The following NRXN3 variants were observed in gnomAD, a reference collection of about 807,000 sequenced individuals.
NRXN3 encodes neurexin 3.
In NRXN3, 32 loss-of-function variants were observed where a neutral mutation model predicts 137.6. The ratio of observed to expected loss-of-function variants is 0.23; its 90% CI spans 0.18 to 0.31. The LOEUF (loss-of-function observed/expected upper bound fraction) is 0.31, where lower values mean the gene tolerates loss of function less well. Ranked by LOEUF, NRXN3 falls within the 10% of genes least tolerant of loss-of-function variation. The pLI, the probability that NRXN3 is intolerant of heterozygous loss-of-function variation, is 1.00. For synonymous variants in NRXN3, 798 were observed against 784.5 expected (o/e 1.02, Z -0.29); for missense variants, 1,574 against 2,062.5 (o/e 0.76, Z 4.59).
chr14:79,656,952 G>C (rs192789829), intron 16 of NRXN3, among the ~76,000 whole-genome samples: 1 of 152,230 alleles, frequency 6.6e-6, no homozygotes, highest in East Asian at 1.9e-4. Context: ...GACAGTCGTT[G>C]TAAATAGAGC....
At chr14:78,401,706 G>A (rs757209461) in intron 4 of NRXN3, among the ~76,000 whole-genome samples, 2 of 152,110 alleles carry the variant, frequency 1.3e-5, no homozygotes, top group Non-Finnish European at 2.9e-5. Context: ...TGAACAAATA[G>A]CCAGTCTCTG....
At chr14:79,005,673 A>G (rs1342916513) in intron 15 of NRXN3, among the ~76,000 whole-genome samples, 1 of 152,062 alleles carries the variant, frequency 6.6e-6, no homozygotes, top group Non-Finnish European at 1.5e-5. Flanking sequence ...AACTTTATTG[A>G]TTTGGGCTTA....
chr14:79,692,112 GT>G, intron 17 of NRXN3, 60 bp from the exon 18 acceptor site: 1 of 1,310,208 alleles, frequency 7.6e-7, no homozygotes, highest in Non-Finnish European at 1.1e-6. Context: ...AACCTAGGAT[GT>G]TTTTTAATGA....
chr14:78,613,135 C>T (rs1185762097), intron 4 of NRXN3, among the ~76,000 whole-genome samples: 2 of 152,186 alleles, frequency 1.3e-5, no homozygotes, highest in East Asian at 3.8e-4. Context: ...AATATATTGT[C>T]CCTCTGACTC....
Position 78,725,045 on chromosome 14 carries a change from C to T in NRXN3, c.2044+9906C>T, listed in dbSNP as rs77635325. On this transcript the variant is annotated intron_variant, in intron 8 of 20. Coordinates refer to ENST00000335750, the MANE Select transcript of NRXN3 (RefSeq NM_001330195.2). Reference sequence around the variant, plus strand: ...AGCATGTTTAACCTTTATAGCAAGACACTCTTATCAAAATGACAAACCCCA... The same window carrying T: ...AGCATGTTTAACCTTTATAGCAAGATACTCTTATCAAAATGACAAACCCCA... Among the ~76,000 whole-genome samples the T allele has an allele frequency of 0.01, 1,536 of 152,284 alleles. 78 individuals are homozygous for T. The East Asian group carries it at 0.16, about 16-fold the overall frequency.
chr14:78,579,694 A>G (rs1453421977), intron 4 of NRXN3, among the ~76,000 whole-genome samples: 1 of 152,156 alleles, frequency 6.6e-6, no homozygotes, highest in Non-Finnish European at 1.5e-5. Context: ...CATTATCTCA[A>G]CTGGCTAGAA....
intron 16 of NRXN3, among the ~76,000 whole-genome samples, chr14:79,606,781 A>G (rs2543580): frequency 0.5 from 75,434 of 152,134 alleles, 21,237 homozygotes; most frequent in African/African-American, 0.77. Flanking sequence ...GAACTCAGTC[A>G]ATAATTACAA....
chr14:78,513,292 T>C (rs1387694126), intron 4 of NRXN3, among the ~76,000 whole-genome samples: 3 of 152,184 alleles, frequency 2.0e-5, no homozygotes, highest in Non-Finnish European at 4.4e-5. Context: ...TATTAGATGT[T>C]AGCTATCATC....
chr14:79,635,546 C>T (rs2098397350), intron 16 of NRXN3, among the ~76,000 whole-genome samples: 1 of 152,070 alleles, frequency 6.6e-6, no homozygotes. Flanking sequence ...ATAATAAAGC[C>T]AGGGCCACAT....
intron 20 of NRXN3, among the ~76,000 whole-genome samples, chr14:79,851,839 A>G (rs772422864): frequency 2.0e-5 from 3 of 152,068 alleles, no homozygotes; most frequent in Non-Finnish European, 2.9e-5. Context: ...GTTTTCCCCA[A>G]CGTACTTCAG....
At chr14:79,257,469 G>A (rs1167523070) in intron 15 of NRXN3, among the ~76,000 whole-genome samples, 7 of 30,962 alleles carry the variant, frequency 2.3e-4, no homozygotes, top group Non-Finnish European at 3.3e-4. Flanking sequence ...GGTGGTGGTG[G>A]TGATGGTGGT....
At chr14:78,359,150 G>T (rs2084749791) in intron 4 of NRXN3, among the ~76,000 whole-genome samples, 1 of 152,136 alleles carries the variant, frequency 6.6e-6, no homozygotes, top group Admixed American at 6.5e-5. Flanking sequence ...TAAAGAAAAT[G>T]ATTTTCAAAG....
intron 16 of NRXN3, among the ~76,000 whole-genome samples, chr14:79,637,429 G>A (rs895848831): frequency 2.0e-5 from 3 of 152,100 alleles, no homozygotes; most frequent in African/African-American, 7.2e-5. Flanking sequence ...CGGCATATTT[G>A]AGGTGGTTGT....
intron 16 of NRXN3, among the ~76,000 whole-genome samples, chr14:79,571,965 G>C (rs1048278788): frequency 6.6e-6 from 1 of 152,134 alleles, no homozygotes; most frequent in East Asian, 1.9e-4. Context: ...GAATGAATGA[G>C]AAATTTTTTT....
chr14:79,353,851 C>T (rs1017698197), intron 15 of NRXN3, among the ~76,000 whole-genome samples: 4 of 151,992 alleles, frequency 2.6e-5, no homozygotes, highest in African/African-American at 9.7e-5. Flanking sequence ...ATTCATTTAC[C>T]TTTCAGAATC....
chr14:78,533,117 T>TTTTG (rs2096491495), intron 4 of NRXN3, among the ~76,000 whole-genome samples: 1 of 149,120 alleles, frequency 6.7e-6, no homozygotes, highest in African/African-American at 2.5e-5. Flanking sequence ...TTTTTTTTTT[T>TTTTG]GAGATGGAGT....
intron 4 of NRXN3, among the ~76,000 whole-genome samples, chr14:78,499,270 C>A (rs892151618): frequency 1.3e-5 from 2 of 151,960 alleles, no homozygotes; most frequent in African/African-American, 4.8e-5. Flanking sequence ...AAGCACTGAG[C>A]AAATGTTAGT....
intron 16 of NRXN3, among the ~76,000 whole-genome samples, chr14:79,657,592 A>G (rs1189943740): frequency 3.3e-5 from 5 of 152,186 alleles, no homozygotes; most frequent in African/African-American, 1.2e-4. Context: ...GTGTAGAACA[A>G]GAAGACCATA....
intron 4 of NRXN3, among the ~76,000 whole-genome samples, chr14:78,381,137 T>C (rs1418125710): frequency 6.6e-6 from 1 of 152,174 alleles, no homozygotes; most frequent in African/African-American, 2.4e-5. Context: ...TCACTACTTA[T>C]TAAAAAATTA....
Sources: gnomAD v4.1 joint callset for allele counts (sites outside exome capture counted in the v4.1 genomes callset) on GRCh38, gnomAD v4.1.1 for gene constraint, MANE v1.5 for transcripts, NCBI Gene and HGNC (gene_info 2026-07-23, HGNC 2026-07-21) for gene names.